The following MFSD8 variants were observed in gnomAD, a reference collection of about 807,000 sequenced individuals.
MFSD8 encodes major facilitator superfamily domain-containing protein 8.
MFSD8 carries 55 observed loss-of-function variants against 66.4 expected under a neutral mutation model. That is an observed-to-expected ratio of 0.83 (90% CI 0.67 to 1.04). The LOEUF (loss-of-function observed/expected upper bound fraction) is 1.04. Among genes scored for constraint, MFSD8 ranks in the 50% least tolerant of loss-of-function variants. MFSD8 has a pLI of 0.00. For synonymous variants in MFSD8, 202 were observed against 212.8 expected, an observed-to-expected ratio of 0.95 and a Z score of 0.44; for missense variants, 550 against 627.6, an observed-to-expected ratio of 0.88 and a Z score of 1.32.
chr4:127,920,578 T>C lies in MFSD8; in HGVS notation c.*52A>G, dbSNP rs1736199209. 1 of 1,582,784 alleles carries C rather than the reference T, an allele frequency of 6.3e-7. No homozygotes were observed. Among genetic ancestry groups the C allele is most frequent in the South Asian group, 1.1e-5 (1 of 90,370 alleles). On this transcript the variant is annotated 3_prime_UTR_variant, in exon 12 of 12. Coordinates refer to ENST00000641686, the MANE Select transcript of MFSD8 (RefSeq NM_001371596.2). ...TCACCGCAATTGTCTAGCAGAGCTT[T>C]AGACCAGGAAGTGCCACACAGCAAG...
At chr4:127,923,280 T>G (rs561639806) in intron 9 of MFSD8, among the ~76,000 whole-genome samples, 24 of 152,316 alleles carry the variant, frequency 1.6e-4, no homozygotes, top group African/African-American at 5.8e-4. Context: ...TAAATAGCGC[T>G]TATTATTTTG....
chr4:127,930,937 T>C (rs1024317253), intron 8 of MFSD8, 120 bp from the exon 9 acceptor site: 1 of 996,010 alleles, frequency 1.0e-6, no homozygotes, highest in Non-Finnish European at 1.5e-6. Flanking sequence ...CTTTTAGCAA[T>C]GACAACAGAC....
intron 3 of MFSD8, among the ~76,000 whole-genome samples, chr4:127,945,938 T>G (rs972264895): frequency 6.7e-6 from 1 of 150,270 alleles, no homozygotes; most frequent in Admixed American, 6.7e-5. Flanking sequence ...TTTTTTTTTC[T>G]GAGACAGGGT....
intron 8 of MFSD8, 157 bp downstream of exon 8, chr4:127,932,828 T>A (rs1025243663): frequency 5.2e-6 from 3 of 580,706 alleles, no homozygotes; most frequent in Non-Finnish European, 6.1e-6. Flanking sequence ...ACATTCAAGT[T>A]ACAAGCAACA....
chr4:127,942,148 T>C lies in MFSD8; in HGVS notation c.450A>G (p.Ala150=). The change falls in exon 5 of 12, where the codon GCA becomes GCG. Residue 150 remains alanine (A), a synonymous_variant. Transcript: ENST00000641686. ...CACCAGCAGTATATGATCTAACAAC[T>C]GCTACATTTCCTTAAAAACAAGACA... ...GLLGIGAGNV[A]VVRSYTAGAT... 6.2e-7 allele frequency: 1 copy of C among 1,610,856 alleles called. No homozygotes were observed. The highest frequency in any genetic ancestry group is 8.5e-7 in the Non-Finnish European group (1 of 1,177,204).
At position 127,933,004 on chromosome 4, in the gene MFSD8, TA is replaced by T; in HGVS notation, c.843del (p.Phe281LeufsTer13). 1.9e-6 allele frequency: 3 copies of T among 1,613,286 alleles called. No individual in the cohort carries two copies. The highest frequency in any genetic ancestry group is 2.5e-6 in the Non-Finnish European group (3 of 1,179,504). ...AINVLFFVTL[F>X]IFALFETIIT... Reference sequence around the variant, plus strand: ...ACTTACGTTTCAAAAAGGGCAAAGATAAATAGAGTCACAAAAAACAGAACAT... The same window carrying T: ...ACTTACGTTTCAAAAAGGGCAAAGATAATAGAGTCACAAAAAACAGAACAT... On this transcript the variant is annotated frameshift_variant, in exon 8 of 12. Transcript: ENST00000641686. LOFTEE classifies it high-confidence loss of function.
chr4:127,960,533 T>A (rs1400130948), intron 1 of MFSD8, among the ~76,000 whole-genome samples: 3 of 151,722 alleles, frequency 2.0e-5, no homozygotes, highest in Non-Finnish European at 4.4e-5. Context: ...CTCAAAAAAA[T>A]AAATAAATAA....
At position 127,927,187 on chromosome 4, in the gene MFSD8, TG is replaced by T. The variant is rs1480459649; in HGVS notation, c.998+3495del. ...GGTGTATTAAATGTTTTTTTTTTTT[TG>T]TTTTTCGCTTTTTTTGAGATGGAAT... On this transcript the variant is annotated intron_variant, in intron 9 of 11. Transcript: ENST00000641686. 7.7e-3 allele frequency among the ~76,000 whole-genome samples: 1,104 copies of T among 143,996 alleles called. 16 individuals are homozygous for T. The highest frequency in any genetic ancestry group is 0.037 in the Middle Eastern group (10 of 272). The allele number at this position is 143,996 out of a possible 152,430, so 94.5% of individuals were successfully genotyped here.
chr4:127,920,068 T>C lies in MFSD8; in HGVS notation c.*562A>G, dbSNP rs1382615113. On this transcript the variant is annotated 3_prime_UTR_variant, in exon 12 of 12. Transcript: ENST00000641686. ...AGAGGTGTAGTATTAGAAGAAAGAC[T>C]CATAGAAGGCAAGGTAGGATGTTAG... 6.2e-6 allele frequency: 1 copy of C among 160,958 alleles called. No homozygotes were observed. Among genetic ancestry groups the C allele is most frequent in the Non-Finnish European group, 1.4e-5 (1 of 73,448 alleles). The allele number at this position is 160,958 out of a possible 1,614,324, so 10.0% of individuals were successfully genotyped here.
intron 1 of MFSD8, among the ~76,000 whole-genome samples, chr4:127,963,887 T>G (rs940177015): frequency 6.6e-6 from 1 of 152,130 alleles, no homozygotes; most frequent in Admixed American, 6.5e-5. Flanking sequence ...GGGCGCTGAT[T>G]GGTGCGTTTA....
intron 2 of MFSD8, among the ~76,000 whole-genome samples, chr4:127,954,765 C>CAGAGTATATA (rs1323164314): frequency 6.6e-6 from 1 of 152,186 alleles, no homozygotes; most frequent in Non-Finnish European, 1.5e-5. Flanking sequence ...GGCTAACATT[C>CAGAGTATATA]AGAGTATATA....
chr4:127,921,480 C>T lies in MFSD8; in HGVS notation c.1350+44G>A. 3 of 1,612,986 alleles carry T rather than the reference C, an allele frequency of 1.9e-6. No homozygotes were observed. The South Asian group carries it at 3.3e-5, about 18-fold the overall frequency. ...GGCAGCAAAAAATGTTGAGTGCTTA[C>T]AAGTATATTTTCTATAATTGCAATG... On this transcript the variant is annotated intron_variant, in intron 11 of 11. Transcript: ENST00000641686.
intron 8 of MFSD8, chr4:127,932,211 T>A (rs1738260038): frequency 1.3e-5 from 2 of 152,230 alleles, no homozygotes; most frequent in Non-Finnish European, 2.9e-5. Flanking sequence ...GGAACTTTCA[T>A]ATATCTCAAT....
At chr4:127,951,238 T>G (rs1297249043) in intron 2 of MFSD8, among the ~76,000 whole-genome samples, 1 of 152,080 alleles carries the variant, frequency 6.6e-6, no homozygotes, top group Non-Finnish European at 1.5e-5. Flanking sequence ...TTTATTTGAT[T>G]TATTTATTTT....
intron 7 of MFSD8, 154 bp from the exon 8 acceptor site, chr4:127,933,247 TTTA>T: frequency 1.7e-6 from 1 of 591,708 alleles, no homozygotes; most frequent in South Asian, 2.0e-5. Flanking sequence ...AGAGAATTTG[TTTA>T]TTTTTATTTT....
rs1184852138 is a variant in MFSD8 at position 127,965,086 on chromosome 4, G to T, written c.48C>A (p.Asp16Glu). 1 of 1,613,948 alleles carries T rather than the reference G, an allele frequency of 6.2e-7. No individual in the cohort carries two copies. The highest frequency in any genetic ancestry group is 8.5e-7 in the Non-Finnish European group (1 of 1,179,992). ...GATCCGCTCACCTGCTTCCAGGTGT[G>T]TCGCCTAAGAGCGGCTCCTGTTCAC... The part of the protein sequence containing the change: ...NESEQEPLLG[D>E]TPGSREWDIL... The change falls in exon 1 of 12, where the codon GAC (aspartate) becomes GAA (glutamate). Residue 16 changes from aspartate (D) to glutamate (E), a missense_variant. Asp to Glu is a conservative substitution (Grantham distance 45). Coordinates refer to ENST00000641686, the MANE Select transcript of MFSD8 (RefSeq NM_001371596.2).
intron 8 of MFSD8, among the ~76,000 whole-genome samples, chr4:127,931,771 T>C (rs145723721): frequency 0.014 from 2,109 of 152,306 alleles, 43 homozygotes; most frequent in African/African-American, 0.047. Context: ...TGTACAACAT[T>C]GTGAATGCAC....
In MFSD8 at chr4:127,920,192, T is replaced by G. The variant is rs1416686651; in HGVS notation, c.*438A>C. On this transcript the variant is annotated 3_prime_UTR_variant, in exon 12 of 12. Transcript: ENST00000641686. ...TATAAATAAAAAGTAGGTGTCTGAATAAAAATACCTCTACTTGGGTAGAGG... is the reference window on the plus strand; with the variant it reads ...TATAAATAAAAAGTAGGTGTCTGAAGAAAAATACCTCTACTTGGGTAGAGG... 2 of 157,952 alleles carry G rather than the reference T, an allele frequency of 1.3e-5. No homozygotes were observed. The highest frequency in any genetic ancestry group is 4.8e-5 in the African/African-American group (2 of 41,448). 9.8% of individuals were successfully genotyped at this position (157,952 alleles called of 1,614,324 possible).
intron 7 of MFSD8, 50 bp from the exon 8 acceptor site, chr4:127,933,143 T>A (rs768424552): frequency 2.8e-5 from 41 of 1,442,358 alleles, no homozygotes; most frequent in Non-Finnish European, 3.8e-5. Flanking sequence ...CTAATTTTTC[T>A]TATGACATTA....
Sources: gnomAD v4.1 joint callset for allele counts (sites outside exome capture counted in the v4.1 genomes callset) on GRCh38, gnomAD v4.1.1 for gene constraint, MANE v1.5 for transcripts, NCBI Gene and HGNC (gene_info 2026-07-23, HGNC 2026-07-21) for gene names.